The following GRM8 variants were observed in gnomAD, a reference collection of about 807,000 sequenced individuals.
GRM8 encodes the protein metabotropic glutamate receptor 8.
In GRM8, 47 loss-of-function variants were observed where a neutral mutation model predicts 87.2. The observed-to-expected ratio is 0.54, with a 90% CI of 0.43 to 0.69. The LOEUF is 0.69. Ranked by LOEUF, GRM8 falls within the 30% of genes least tolerant of loss-of-function variation. The probability of loss-of-function intolerance (pLI) is 0.00; values close to 1 mark genes in which losing one functional copy is unlikely to be tolerated. For missense variants in GRM8, 1,019 were observed against 1,139.2 expected (o/e 0.89, Z 1.52); for synonymous variants, 396 against 404.5 (o/e 0.98, Z 0.25).
At chr7:126,756,282 C>T (rs1001611948) in intron 7 of GRM8, among the ~76,000 whole-genome samples, 1 of 151,960 alleles carries the variant, frequency 6.6e-6, no homozygotes, top group African/African-American at 2.4e-5. Context: ...ATCATATAGA[C>T]CTAAATGTAA....
intron 9 of GRM8, among the ~76,000 whole-genome samples, chr7:126,498,933 TG>T (rs1431165585): frequency 1.3e-5 from 2 of 152,020 alleles, no homozygotes; most frequent in African/African-American, 4.8e-5. Flanking sequence ...CTACATTTAT[TG>T]TTGGCATAAA....
intron 2 of GRM8, among the ~76,000 whole-genome samples, chr7:127,216,524 AAAAAAAAAAAC>A (rs1277088505): frequency 6.0e-5 from 9 of 150,700 alleles, no homozygotes; most frequent in Admixed American, 6.6e-5. Context: ...TCTCAAAAAA[AAAAAAAAAAAC>A]AAAAAAAAAA....
chr7:127,176,970 T>C (rs964477732), intron 2 of GRM8, among the ~76,000 whole-genome samples: 1 of 152,010 alleles, frequency 6.6e-6, no homozygotes, highest in Admixed American at 6.5e-5. Context: ...TAGCTGAACT[T>C]TGTAACAATT....
intron 2 of GRM8, among the ~76,000 whole-genome samples, chr7:127,122,863 G>C (rs1433173381): frequency 6.6e-6 from 1 of 151,106 alleles, no homozygotes; most frequent in Non-Finnish European, 1.5e-5. Flanking sequence ...GAGAAGAGTA[G>C]GGGGTAGATT....
intron 7 of GRM8, among the ~76,000 whole-genome samples, chr7:126,720,671 A>T (rs1478038701): frequency 6.6e-6 from 1 of 152,218 alleles, no homozygotes. Context: ...ATACTAATAA[A>T]ATATAAAACT....
intron 2 of GRM8, among the ~76,000 whole-genome samples, chr7:127,162,141 T>G (rs1793156008): frequency 1.3e-5 from 2 of 152,228 alleles, no homozygotes; most frequent in African/African-American, 4.8e-5. Flanking sequence ...CTGAAAATTC[T>G]GTGCTTCCAG....
At chr7:126,691,013 G>A (rs1808747990) in intron 7 of GRM8, among the ~76,000 whole-genome samples, 1 of 152,196 alleles carries the variant, frequency 6.6e-6, no homozygotes, top group Non-Finnish European at 1.5e-5. Context: ...CTGCAGAACT[G>A]GCCTGAAGGC....
intron 3 of GRM8, chr7:127,076,109 C>T: frequency 4.4e-6 from 2 of 455,424 alleles, no homozygotes; most frequent in South Asian, 1.6e-5. Context: ...CAGTAGAGAG[C>T]CTCTTCGACT....
At chr7:127,146,108 T>C (rs1394072984) in intron 2 of GRM8, among the ~76,000 whole-genome samples, 1 of 151,992 alleles carries the variant, frequency 6.6e-6, no homozygotes, top group Admixed American at 6.6e-5. Flanking sequence ...AGGAGACAAA[T>C]ACTCTGTGTA....
At chr7:126,805,530 C>A (rs1044459334) in intron 6 of GRM8, among the ~76,000 whole-genome samples, 3 of 152,090 alleles carry the variant, frequency 2.0e-5, no homozygotes, top group Admixed American at 1.3e-4. Context: ...ACATGGTCTG[C>A]ACCACCCACT....
intron 9 of GRM8, among the ~76,000 whole-genome samples, chr7:126,523,362 T>C (rs1161691056): frequency 6.6e-6 from 1 of 152,196 alleles, no homozygotes; most frequent in African/African-American, 2.4e-5. Flanking sequence ...TTGTTTTTCC[T>C]GTTGTGTAAA....
chr7:126,701,874 G>A (rs923521245), intron 7 of GRM8: 1 of 732,612 alleles, frequency 1.4e-6, no homozygotes, highest in Non-Finnish European at 2.1e-6. Flanking sequence ...ATGAGTTAAT[G>A]ACTATATGCC....
intron 7 of GRM8, among the ~76,000 whole-genome samples, chr7:126,690,499 G>A (rs753396852): frequency 5.3e-5 from 8 of 152,188 alleles, no homozygotes; most frequent in Non-Finnish European, 8.8e-5. Context: ...ACCAGGAACC[G>A]CAGAGCCCCA....
chr7:126,887,330 T>C (rs1419761185), intron 6 of GRM8, among the ~76,000 whole-genome samples: 1 of 152,118 alleles, frequency 6.6e-6, no homozygotes. Context: ...ATATTTGCCA[T>C]GTTAAAGATA....
intron 8 of GRM8, among the ~76,000 whole-genome samples, chr7:126,604,920 T>C (rs1798198350): frequency 6.6e-6 from 1 of 152,210 alleles, no homozygotes; most frequent in African/African-American, 2.4e-5. Context: ...ATTGGGCAGA[T>C]TGGGACACCC....
At chr7:126,579,848 T>C (rs1795451313) in intron 8 of GRM8, among the ~76,000 whole-genome samples, 1 of 152,136 alleles carries the variant, frequency 6.6e-6, no homozygotes, top group African/African-American at 2.4e-5. Flanking sequence ...ATCAATGTTA[T>C]AGAAAAGGTT....
Position 126,446,142 on chromosome 7 carries a change from C to T in GRM8, c.2661G>A (p.Glu887=), listed in dbSNP as rs1433799273. The T allele has an allele frequency of 1.9e-6, 3 of 1,612,794 alleles. No individual in the cohort carries two copies. In the African/African-American group the frequency reaches 4.0e-5, roughly 22 times the overall value. ...ATGACTTACTGTTGGTTTCAAGACTCTCACAGAGTTCACTTTTCACCTCGC... is the reference window on the plus strand; with the variant it reads ...ATGACTTACTGTTGGTTTCAAGACTTTCACAGAGTTCACTTTTCACCTCGC... ...PNGEVKSELC[E]SLETNTSSTK... is the part of the protein sequence containing the mutation. The change falls in exon 10 of 11, where the codon GAG becomes GAA. Residue 887 remains glutamate, a synonymous_variant. Coordinates refer to ENST00000339582, the MANE Select transcript of GRM8 (RefSeq NM_000845.3).
chr7:127,205,596 G>T (rs1373797848), intron 2 of GRM8, among the ~76,000 whole-genome samples: 1 of 152,088 alleles, frequency 6.6e-6, no homozygotes, highest in Non-Finnish European at 1.5e-5. Flanking sequence ...CTCCACCACT[G>T]TTCGCCACTC....
intron 3 of GRM8, among the ~76,000 whole-genome samples, chr7:126,946,236 T>G (rs746335528): frequency 1.9e-4 from 29 of 152,218 alleles, no homozygotes; most frequent in Admixed American, 3.9e-4. Flanking sequence ...GCATAGTGGC[T>G]CATGCCTGTA....
Sources: gnomAD v4.1 joint callset for allele counts (sites outside exome capture counted in the v4.1 genomes callset) on GRCh38, gnomAD v4.1.1 for gene constraint, MANE v1.5 for transcripts, NCBI Gene and HGNC (gene_info 2026-07-23, HGNC 2026-07-21) for gene names.